KALRN: variants seen among roughly 807,000 people sequenced by gnomAD.
KALRN encodes kalirin.
In KALRN, 70 loss-of-function variants were observed where a neutral mutation model predicts 353.7. That is an observed-to-expected ratio of 0.20 (90% CI 0.16 to 0.24). The LOEUF (loss-of-function observed/expected upper bound fraction) is 0.24. KALRN is among the 10% of genes least tolerant of loss of function. KALRN has a pLI of 1.00. For synonymous variants in KALRN, 1,391 were observed against 1,434.8 expected (o/e 0.97, Z 0.69); for missense variants, 2,791 against 3,756.7 (o/e 0.74, Z 6.72).
At chr3:124,170,027 G>A (rs760722163) in intron 1 of KALRN, among the ~76,000 whole-genome samples, 39 of 152,208 alleles carry the variant, frequency 2.6e-4, no homozygotes, top group Non-Finnish European at 1.0e-4. Context: ...TCAACCAAGA[G>A]CATTTCAGAG....
chr3:124,634,729 A>T (rs1417134091), intron 36 of KALRN, among the ~76,000 whole-genome samples: 1 of 151,622 alleles, frequency 6.6e-6, no homozygotes, highest in Non-Finnish European at 1.5e-5. Context: ...AGTGTTGCTG[A>T]TTCTCTTAGA....
intron 1 of KALRN, among the ~76,000 whole-genome samples, chr3:124,222,992 G>A (rs1481765158): frequency 6.6e-6 from 1 of 151,822 alleles, no homozygotes; most frequent in African/African-American, 2.4e-5. Flanking sequence ...AAGGTTCTAG[G>A]TGTATGTGAT....
At chr3:124,058,145 C>G (rs1343484135) in intron 1 of KALRN, among the ~76,000 whole-genome samples, 1 of 152,152 alleles carries the variant, frequency 6.6e-6, no homozygotes, top group Admixed American at 6.5e-5. Context: ...ATAATTCAGT[C>G]ACCTCCCACT....
chr3:124,178,318 C>A (rs1355847594), intron 1 of KALRN, among the ~76,000 whole-genome samples: 1 of 152,068 alleles, frequency 6.6e-6, no homozygotes, highest in Non-Finnish European at 1.5e-5. Flanking sequence ...AAATTAGCCA[C>A]CATAAGAGAT....
chr3:124,181,561 T>C (rs931592417), intron 1 of KALRN, among the ~76,000 whole-genome samples: 1 of 152,202 alleles, frequency 6.6e-6, no homozygotes, highest in African/African-American at 2.4e-5. Context: ...GCTCTCCCTT[T>C]TTCCTGATGC....
chr3:124,336,308 A>G (rs75824903), intron 9 of KALRN, among the ~76,000 whole-genome samples: 3 of 152,126 alleles, frequency 2.0e-5, no homozygotes, highest in Admixed American at 1.3e-4. Context: ...TACTCCTGCC[A>G]TCTGGAGCTA....
intron 5 of KALRN, among the ~76,000 whole-genome samples, chr3:124,285,394 G>A (rs577645531): frequency 1.3e-5 from 2 of 152,044 alleles, no homozygotes; most frequent in South Asian, 4.2e-4. Flanking sequence ...TAAATTTAGT[G>A]GGTATAGTAT....
chr3:124,596,074 TA>T (rs1397992557), intron 34 of KALRN, among the ~76,000 whole-genome samples: 3 of 151,940 alleles, frequency 2.0e-5, no homozygotes, highest in Admixed American at 6.6e-5. Flanking sequence ...CACTAATTAT[TA>T]AAAAGTAGAA....
chr3:124,175,320 G>A (rs2072517609), intron 1 of KALRN, among the ~76,000 whole-genome samples: 1 of 151,616 alleles, frequency 6.6e-6, no homozygotes. Context: ...TGCTCTCCAG[G>A]ATGCGGAGAT....
At chr3:124,442,458 C>T (rs1168548115) in intron 19 of KALRN, among the ~76,000 whole-genome samples, 1 of 152,078 alleles carries the variant, frequency 6.6e-6, no homozygotes, top group East Asian at 1.9e-4. Context: ...ATTTTGATTC[C>T]TGGTTAATAT....
At chr3:124,682,562 AATG>A (rs2061389423) in intron 51 of KALRN, among the ~76,000 whole-genome samples, 1 of 152,142 alleles carries the variant, frequency 6.6e-6, no homozygotes, top group Non-Finnish European at 1.5e-5. Context: ...CCTGCATGGG[AATG>A]ATGTCACCAA....
chr3:124,256,359 A>C (rs1294440451), intron 3 of KALRN, among the ~76,000 whole-genome samples: 1 of 152,156 alleles, frequency 6.6e-6, no homozygotes, highest in African/African-American at 2.4e-5. Context: ...GAGTCTCCTA[A>C]AGTGTGAAAC....
chr3:124,274,282 G>T (rs370939492), intron 5 of KALRN, among the ~76,000 whole-genome samples: 1 of 152,228 alleles, frequency 6.6e-6, no homozygotes, highest in East Asian at 1.9e-4. Context: ...TGATGTCAAT[G>T]TGCTGATGCC....
At chr3:124,347,370 G>T in intron 10 of KALRN, 105 bp downstream of exon 10, 2 of 644,796 alleles carry the variant, frequency 3.1e-6, no homozygotes, top group Non-Finnish European at 4.3e-6. Context: ...CAGGTGAGAA[G>T]CTGTGTGTGT....
intron 34 of KALRN, among the ~76,000 whole-genome samples, chr3:124,584,221 G>A (rs566976927): frequency 3.3e-5 from 5 of 152,244 alleles, no homozygotes; most frequent in African/African-American, 1.2e-4. Context: ...TCAATATGAG[G>A]CACTGTTATC....
At position 124,423,496 on chromosome 3, in the gene KALRN, T is replaced by C. The variant is rs374724426; in HGVS notation, c.2709+518T>C. On this transcript the variant is annotated intron_variant, in intron 15 of 59. Coordinates refer to ENST00000682506, the MANE Select transcript of KALRN (RefSeq NM_001388419.1). The stretch of plus-strand genomic sequence containing the variant: ...GATTTTAAAAAGGAAAAATAACTTA[T>C]CTGCATGAAGCATTATGCTAGGCAT... 7.2e-5 allele frequency among the ~76,000 whole-genome samples: 11 copies of C among 152,396 alleles called. No individual in the cohort carries two copies. The South Asian group carries it at 2.3e-3, about 32-fold the overall frequency.
chr3:124,549,188 C>T (rs1318052739), intron 33 of KALRN, among the ~76,000 whole-genome samples: 10 of 82,882 alleles, frequency 1.2e-4, no homozygotes, highest in African/African-American at 8.5e-4. Flanking sequence ...TATAAATCAC[C>T]ATGATGTAGT....
intron 34 of KALRN, among the ~76,000 whole-genome samples, chr3:124,572,081 G>C (rs1205154515): frequency 6.6e-6 from 1 of 151,722 alleles, no homozygotes; most frequent in African/African-American, 2.4e-5. Context: ...CCAGCACTTT[G>C]GGAGGCCAAG....
intron 5 of KALRN, among the ~76,000 whole-genome samples, chr3:124,282,763 C>T (rs1371645302): frequency 6.6e-6 from 1 of 152,180 alleles, no homozygotes; most frequent in East Asian, 1.9e-4. Flanking sequence ...TGATGGGGCT[C>T]TTCATTCAGT....
Sources: gnomAD v4.1 joint callset for allele counts (sites outside exome capture counted in the v4.1 genomes callset) on GRCh38, gnomAD v4.1.1 for gene constraint, MANE v1.5 for transcripts, NCBI Gene and HGNC (gene_info 2026-07-23, HGNC 2026-07-21) for gene names.